The following OPTC variants were observed in gnomAD, a reference collection of about 807,000 sequenced individuals.
OPTC encodes oculoglycan.
Under a neutral mutation model 25.4 loss-of-function variants are expected in OPTC, and 22 were observed. The observed-to-expected ratio is 0.87, with a 90% CI of 0.62 to 1.24. The LOEUF (loss-of-function observed/expected upper bound fraction) is 1.24. Among genes scored for constraint, OPTC ranks in the 50% most tolerant of loss-of-function variants. The probability of loss-of-function intolerance (pLI) is 0.00; values close to 1 mark genes in which losing one functional copy is unlikely to be tolerated. For missense variants in OPTC, 417 were observed against 425.2 expected, an observed-to-expected ratio of 0.98 and a Z score of 0.17; for synonymous variants, 169 against 179.3, an observed-to-expected ratio of 0.94 and a Z score of 0.46.
intron 1 of OPTC, among the ~76,000 whole-genome samples, chr1:203,495,243 G>C (rs1194465319): frequency 4.6e-5 from 7 of 152,080 alleles, no homozygotes; most frequent in Admixed American, 3.3e-4. Context: ...AGTCAACTGG[G>C]CGCGGTGGCT....
chr1:203,498,658 G>T (rs1367909912), intron 3 of OPTC, 23 bp from the exon 4 acceptor site: 1 of 1,614,092 alleles, frequency 6.2e-7, no homozygotes, highest in Admixed American at 1.7e-5. Context: ...ATCTCCCTTT[G>T]TTCTGTCTTC....
intron 5 of OPTC, among the ~76,000 whole-genome samples, chr1:203,500,449 C>T (rs190716553): frequency 6.0e-4 from 88 of 147,748 alleles, no homozygotes; most frequent in African/African-American, 1.9e-3. Flanking sequence ...TCCACTCCTA[C>T]CACCCATATC....
rs566798160 is a variant in OPTC at position 203,507,176 on chromosome 1, C to T, written c.*26-1470C>T. Among the ~76,000 whole-genome samples the T allele has an allele frequency of 2.0e-5, 3 of 152,288 alleles. No individual in the cohort carries two copies. In the South Asian group the frequency reaches 6.2e-4, roughly 32 times the overall value. ...GATCTTGATGTGAACAGCTAGGCCTCCTGTTTCTCAGGTACCTAAAGGGGT... is the reference window on the plus strand; with the variant it reads ...GATCTTGATGTGAACAGCTAGGCCTTCTGTTTCTCAGGTACCTAAAGGGGT... On this transcript the variant is annotated intron_variant, in intron 7 of 7. Transcript: ENST00000367222.
At position 203,499,787 on chromosome 1, in the gene OPTC, T is replaced by A. The variant is rs1661345809; in HGVS notation, c.668T>A (p.Ile223Asn). ...LEALPVLPSGIEFLDVRLNRL... is the reference protein window; with the variant it reads ...LEALPVLPSGNEFLDVRLNRL... ...GCTCTGCCCGTGCTGCCCAGTGGCATTGAGTTCCTGGATGTCCGCCTAAAT... is the reference window on the plus strand; with the variant it reads ...GCTCTGCCCGTGCTGCCCAGTGGCAATGAGTTCCTGGATGTCCGCCTAAAT... Residue 223 changes from isoleucine to asparagine, a missense_variant, in exon 5 of 8, where the codon ATT (isoleucine) becomes AAT (asparagine). Coordinates refer to ENST00000367222, the MANE Select transcript of OPTC (RefSeq NM_014359.4). The A allele has an allele frequency of 6.2e-7, 1 of 1,612,782 alleles. No individual in the cohort carries two copies. Among genetic ancestry groups the A allele is most frequent in the African/African-American group, 1.3e-5 (1 of 74,926 alleles).
intron 6 of OPTC, 133 bp from the exon 7 acceptor site, chr1:203,503,417 G>A (rs557690619): frequency 1.4e-4 from 123 of 867,662 alleles, no homozygotes; most frequent in Non-Finnish European, 2.1e-4. Context: ...GTGTGGCTTT[G>A]GCCCTAGATG....
intron 7 of OPTC, among the ~76,000 whole-genome samples, chr1:203,507,407 G>A (rs891369583): frequency 2.0e-5 from 3 of 152,172 alleles, no homozygotes; most frequent in Non-Finnish European, 2.9e-5. Flanking sequence ...ATGCCAGCCG[G>A]CAGTCTAGGT....
Position 203,498,778 on chromosome 1 carries a change from C to T in OPTC, c.468C>T (p.Ala156=), listed in dbSNP as rs770789178. The part of the protein sequence containing the change: ...EDIPPLPRRT[A]YLYARFNRIS... ...TTCCTCCTCTTCCTCGGAGGACTGC[C>T]TACCTGTATGCACGCTTCAACCGCA... Residue 156 remains alanine, a synonymous_variant, in exon 4 of 8, where the codon GCC becomes GCT. Coordinates refer to ENST00000367222, the MANE Select transcript of OPTC (RefSeq NM_014359.4). The T allele has an allele frequency of 1.9e-6, 3 of 1,614,090 alleles. No homozygotes were observed. The highest frequency in any genetic ancestry group is 2.7e-5 in the African/African-American group (2 of 75,054).
At chr1:203,506,976 G>A (rs898624663) in intron 7 of OPTC, among the ~76,000 whole-genome samples, 1 of 152,230 alleles carries the variant, frequency 6.6e-6, no homozygotes, top group African/African-American at 2.4e-5. Context: ...GCTGTCTCTT[G>A]GCTAATCCCC....
chr1:203,498,900 G>A, intron 4 of OPTC, 61 bp downstream of exon 4: 2 of 1,578,114 alleles, frequency 1.3e-6, no homozygotes, highest in South Asian at 2.2e-5. Flanking sequence ...CCTGCCACTA[G>A]GACAGTCACC....
intron 7 of OPTC, among the ~76,000 whole-genome samples, chr1:203,507,515 G>A (rs1661513958): frequency 6.6e-6 from 1 of 152,236 alleles, no homozygotes; most frequent in African/African-American, 2.4e-5. Flanking sequence ...CCTTGGCAAG[G>A]GCACTTGCTC....
At chr1:203,505,138 G>A (rs1016171731) in intron 7 of OPTC, among the ~76,000 whole-genome samples, 3 of 152,188 alleles carry the variant, frequency 2.0e-5, no homozygotes, top group African/African-American at 7.2e-5. Flanking sequence ...ACTTACTCAC[G>A]CAGGAGGATC....
At chr1:203,504,834 C>A (rs940665778) in intron 7 of OPTC, among the ~76,000 whole-genome samples, 12 of 152,294 alleles carry the variant, frequency 7.9e-5, no homozygotes, top group Middle Eastern at 3.4e-3. Context: ...CCTTCCCATT[C>A]GCTCCTACAT....
rs1319506859 is a variant in OPTC, at chr1:203,508,696, C to A, written c.*76C>A. ...ACATTCTCCAGCAGCCGCCATCTCACACGCCTCCCTCCTGTGGCCGCCGGC... is the reference window on the plus strand; with the variant it reads ...ACATTCTCCAGCAGCCGCCATCTCAAACGCCTCCCTCCTGTGGCCGCCGGC... On this transcript the variant is annotated 3_prime_UTR_variant, in exon 8 of 8. Coordinates refer to ENST00000367222, the MANE Select transcript of OPTC (RefSeq NM_014359.4). 6 of 152,254 alleles carry A rather than the reference C, an allele frequency of 3.9e-5. No individual in the cohort carries two copies. The highest frequency in any genetic ancestry group is 1.4e-4 in the African/African-American group (6 of 41,432). The allele number at this position is 152,254 out of a possible 1,614,324, so 9.4% of individuals were successfully genotyped here. A position where few individuals can be genotyped will look rare whatever the true frequency, so the allele number is the denominator to read the frequency against.
At chr1:203,498,987 C>T (rs1661323974) in intron 4 of OPTC, 148 bp downstream of exon 4, 3 of 869,686 alleles carry the variant, frequency 3.4e-6, no homozygotes, top group Non-Finnish European at 5.6e-6. Flanking sequence ...GGGAAATAGC[C>T]CGAAGTCTCT....
chr1:203,498,639 G>C (rs1198276028), intron 3 of OPTC, 42 bp from the exon 4 acceptor site: 1 of 1,613,420 alleles, frequency 6.2e-7, no homozygotes, highest in Admixed American at 1.7e-5. Context: ...GGCCCCAGAG[G>C]CTAAAGAGAT....
intron 3 of OPTC, among the ~76,000 whole-genome samples, chr1:203,498,168 T>C (rs1262693622): frequency 6.6e-6 from 1 of 152,002 alleles, no homozygotes; most frequent in Non-Finnish European, 1.5e-5. Flanking sequence ...CAAAGAAAAA[T>C]TGGCATGCTG....
rs1410037804 is a variant in OPTC, at chr1:203,499,654, T to C, written c.535T>C (p.Leu179=). ...RAEDFKGLTK[L]KRIDLSNNLI... ...TCTCCCCTAACCTCTCTCAGCAAAG[T>C]TGAAGAGGATTGACCTCTCCAACAA... The change falls in exon 5 of 8, where the codon TTG becomes CTG. Residue 179 remains leucine (L), a synonymous_variant. Coordinates refer to ENST00000367222, the MANE Select transcript of OPTC (RefSeq NM_014359.4). 2 of 1,613,170 alleles carry C rather than the reference T, an allele frequency of 1.2e-6. No individual in the cohort carries two copies. Among genetic ancestry groups the C allele is most frequent in the African/African-American group, 1.3e-5 (1 of 74,734 alleles).
At chr1:203,502,843 C>G in intron 5 of OPTC, 71 bp from the exon 6 acceptor site, 2 of 1,185,682 alleles carry the variant, frequency 1.7e-6, no homozygotes, top group South Asian at 2.5e-5. Context: ...TGTCTCTGGT[C>G]TCATAGCCCT....
intron 3 of OPTC, 36 bp downstream of exon 3, chr1:203,497,151 G>GT: frequency 6.2e-7 from 1 of 1,612,750 alleles, no homozygotes; most frequent in Non-Finnish European, 8.5e-7. Context: ...ATATCCCTAG[G>GT]TCATAGGCCA....
Sources: allele counts gnomAD v4.1 joint callset (sites outside exome capture counted in the v4.1 genomes callset), GRCh38; gene constraint gnomAD v4.1.1; transcripts MANE v1.5; gene names NCBI Gene and HGNC (gene_info 2026-07-23, HGNC 2026-07-21).